The following ZPBP variants were observed in gnomAD, a reference collection of about 807,000 sequenced individuals.
ZPBP encodes zona pellucida binding protein.
A neutral mutation model predicts 44.8 loss-of-function variants in ZPBP; 26 were observed. The observed-to-expected ratio is 0.58, with a 90% confidence interval of 0.43 to 0.81. ZPBP has a LOEUF of 0.81. Among genes scored for constraint, ZPBP ranks in the 30% least tolerant of loss-of-function variants. The probability of loss-of-function intolerance (pLI) is 0.00; values close to 1 mark genes in which losing one functional copy is unlikely to be tolerated. For synonymous variants in ZPBP, 174 were observed against 153.2 expected (o/e 1.14, Z -1.00); for missense variants, 409 against 434.0 (o/e 0.94, Z 0.51).
intron 5 of ZPBP, among the ~76,000 whole-genome samples, chr7:50,022,069 A>G (rs1378731041): frequency 1.3e-5 from 2 of 152,134 alleles, no homozygotes; most frequent in African/African-American, 2.4e-5. Flanking sequence ...AAACACTTCA[A>G]CCAAGAATCC....
chr7:49,975,761 G>C (rs1796484084), intron 7 of ZPBP, among the ~76,000 whole-genome samples: 1 of 152,128 alleles, frequency 6.6e-6, no homozygotes, highest in Admixed American at 6.5e-5. Context: ...TCAGTTAACA[G>C]GTCACAAATG....
chr7:50,067,512 G>A (rs1027400603), intron 3 of ZPBP, among the ~76,000 whole-genome samples: 1 of 152,132 alleles, frequency 6.6e-6, no homozygotes, highest in Non-Finnish European at 1.5e-5. Flanking sequence ...CTGCACTACT[G>A]AGTCCAAAGT....
At chr7:49,985,659 AAC>A (rs1475164223) in intron 6 of ZPBP, among the ~76,000 whole-genome samples, 65 of 134,076 alleles carry the variant, frequency 4.8e-4, no homozygotes, top group East Asian at 9.1e-4. Flanking sequence ...AAAAAAAAAA[AAC>A]CTAAATGAAG....
At chr7:49,986,815 T>C (rs1163678075) in intron 6 of ZPBP, among the ~76,000 whole-genome samples, 2 of 152,198 alleles carry the variant, frequency 1.3e-5, no homozygotes, top group Non-Finnish European at 2.9e-5. Context: ...CTGGAGTGGT[T>C]CACATGTCTT....
At chr7:49,965,161 C>T (rs977246085) in intron 7 of ZPBP, among the ~76,000 whole-genome samples, 1 of 152,014 alleles carries the variant, frequency 6.6e-6, no homozygotes. Context: ...AAACAACTTA[C>T]CAATGTGTGC....
chr7:49,933,127 T>C (rs1483094), downstream of ZPBP, among the ~76,000 whole-genome samples: 113,862 of 152,068 alleles, frequency 0.75, 42,868 homozygotes, highest in East Asian at 0.89. Context: ...ATTATGTTAA[T>C]GAAGTGAATA....
At chr7:49,916,663 G>A (rs775762382) in intron 1 of ZPBP, 3 of 152,138 alleles carry the variant, frequency 2.0e-5, no homozygotes, top group African/African-American at 7.2e-5. Flanking sequence ...TTAAAGGCTT[G>A]TTGAATTGTA....
intron 6 of ZPBP, among the ~76,000 whole-genome samples, chr7:50,007,870 T>C (rs6973932): frequency 0.29 from 43,514 of 151,744 alleles, 6,975 homozygotes; most frequent in Non-Finnish European, 0.37. Flanking sequence ...AAAACTACTT[T>C]AACATAATAA....
intron 4 of ZPBP, among the ~76,000 whole-genome samples, chr7:50,041,393 A>C (rs1054342674): frequency 1.3e-5 from 2 of 152,192 alleles, no homozygotes; most frequent in Non-Finnish European, 2.9e-5. Context: ...GTCGACAGAC[A>C]CCTCATACAG....
chr7:49,908,271 G>A (rs188986742), intron 1 of ZPBP, among the ~76,000 whole-genome samples: 11 of 152,196 alleles, frequency 7.2e-5, no homozygotes, highest in Admixed American at 5.9e-4. Context: ...CATGTCCAAC[G>A]CCTACATTTC....
rs115331198 is a variant in ZPBP at position 50,038,877 on chromosome 7, C to T, written c.488-7567G>A. Among the ~76,000 whole-genome samples, 690 of 152,262 alleles carry T rather than the reference C, an allele frequency of 4.5e-3. 3 individuals carry two copies. Among genetic ancestry groups the T allele is most frequent in the African/African-American group, 0.016 (668 of 41,556 alleles). On this transcript the variant is annotated intron_variant, in intron 4 of 7. Coordinates refer to ENST00000046087, the MANE Select transcript of ZPBP (RefSeq NM_007009.3). ...AGCCTAGGAGGAAAAGGCCATACCA[C>T]GTAGCCTACGTGTGCAGTAAGCTAT...
intron 2 of ZPBP, among the ~76,000 whole-genome samples, chr7:49,894,244 C>A (rs1309784491): frequency 2.6e-5 from 4 of 152,206 alleles, no homozygotes; most frequent in Non-Finnish European, 5.9e-5. Flanking sequence ...TCAGCCTCGA[C>A]CACCCAGGCT....
At chr7:49,971,997 G>A (rs758577518) in intron 7 of ZPBP, among the ~76,000 whole-genome samples, 1 of 151,842 alleles carries the variant, frequency 6.6e-6, no homozygotes, top group Non-Finnish European at 1.5e-5. Flanking sequence ...AAAACTACAA[G>A]CTCATGTCAA....
intron 4 of ZPBP, among the ~76,000 whole-genome samples, chr7:50,043,188 G>A (rs1003133133): frequency 1.3e-4 from 20 of 152,180 alleles, no homozygotes; most frequent in African/African-American, 3.6e-4. Context: ...TTTGTTTCCC[G>A]TTAAGTAATA....
At chr7:50,050,076 A>C (rs1485004786) in intron 4 of ZPBP, among the ~76,000 whole-genome samples, 1 of 152,040 alleles carries the variant, frequency 6.6e-6, no homozygotes, top group East Asian at 1.9e-4. Context: ...TTAACAAAAC[A>C]TGTATATGCA....
chr7:50,002,084 A>G (rs1798124723), intron 6 of ZPBP, among the ~76,000 whole-genome samples: 1 of 152,118 alleles, frequency 6.6e-6, no homozygotes, highest in Non-Finnish European at 1.5e-5. Flanking sequence ...GCTAATAATG[A>G]CATGCCTGAG....
At chr7:50,076,399 G>A (rs997164459) in intron 3 of ZPBP, among the ~76,000 whole-genome samples, 5 of 151,866 alleles carry the variant, frequency 3.3e-5, no homozygotes, top group Non-Finnish European at 7.4e-5. Context: ...TCAACATAGT[G>A]CTGGAAGTCC....
At chr7:49,921,436 T>A (rs1295054735) in intron 1 of ZPBP, 2 of 152,252 alleles carry the variant, frequency 1.3e-5, no homozygotes, top group Admixed American at 1.3e-4. Context: ...TAATGTAACT[T>A]GGCAGTAAAG....
At chr7:49,998,791 T>C (rs6583410) in intron 6 of ZPBP, among the ~76,000 whole-genome samples, 120,955 of 151,930 alleles carry the variant, frequency 0.8, 48,327 homozygotes, top group East Asian at 0.89. Flanking sequence ...GAAAACTTAC[T>C]CTTAAAATTC....
Sources: allele counts gnomAD v4.1 joint callset (sites outside exome capture counted in the v4.1 genomes callset), GRCh38; gene constraint gnomAD v4.1.1; transcripts MANE v1.5; gene names NCBI Gene and HGNC (gene_info 2026-07-23, HGNC 2026-07-21).